Variants in C1QTNF12 observed in about 807,000 individuals in gnomAD.
The protein encoded by C1QTNF12 is C1q and TNF related 12.
A neutral mutation model predicts 34.3 loss-of-function variants in C1QTNF12; 39 were observed. The ratio of observed to expected loss-of-function variants is 1.14; its 90% CI spans 0.88 to 1.49. The LOEUF (loss-of-function observed/expected upper bound fraction) is 1.49. Ranked by LOEUF, C1QTNF12 falls within the 40% of genes most tolerant of loss-of-function variation. C1QTNF12 has a pLI of 0.00. For synonymous variants in C1QTNF12, 220 were observed against 196.9 expected (o/e 1.12, Z -0.98); for missense variants, 497 against 424.7 (o/e 1.17, Z -1.50).
At chr1:1,243,259 G>A in intron 5 of C1QTNF12, 107 bp from the exon 6 acceptor site, 1 of 1,056,484 alleles carries the variant, frequency 9.5e-7, no homozygotes, top group East Asian at 2.6e-5. Flanking sequence ...GTGGCTGCTG[G>A]GGCTGGGGAG....
rs12095691 is a variant in C1QTNF12 at position 1,242,506 on chromosome 1, C to T, written c.*42G>A. 1.7e-3 allele frequency: 2,481 copies of T among 1,471,042 alleles called. 34 individuals carry two copies. In the African/African-American group the frequency reaches 0.027, roughly 16 times the overall value. The allele number at this position is 1,471,042 out of a possible 1,614,324, so 91.1% of individuals were successfully genotyped here. On this transcript the variant is annotated 3_prime_UTR_variant, in exon 8 of 8. Coordinates refer to ENST00000330388, the MANE Select transcript of C1QTNF12 (RefSeq NM_001014980.3). Reference sequence around the variant, plus strand: ...CCACGGGCATCAGTAGGAGGGTCCCCGGGATCCGGCGGCAGCTCCTCGCCA... The same window carrying T: ...CCACGGGCATCAGTAGGAGGGTCCCTGGGATCCGGCGGCAGCTCCTCGCCA...
In C1QTNF12 at chr1:1,242,690, C is replaced by T. The variant is rs764495733; in HGVS notation, c.811-44G>A. 9.6e-6 allele frequency: 15 copies of T among 1,568,250 alleles called. No homozygotes were observed. In the Admixed American group the frequency reaches 2.7e-4, roughly 28 times the overall value. On this transcript the variant is annotated intron_variant, in intron 7 of 7. Transcript: ENST00000330388. Reference sequence around the variant, plus strand: ...CGTCACAACCGCAGCCACAGCCCAGCCACTCGGTGGCCAACGTCTGCCCAC... The same window carrying T: ...CGTCACAACCGCAGCCACAGCCCAGTCACTCGGTGGCCAACGTCTGCCCAC...
chr1:1,243,331 G>T, intron 5 of C1QTNF12, 113 bp downstream of exon 5: 1 of 1,112,216 alleles, frequency 9.0e-7, no homozygotes, highest in Non-Finnish European at 1.3e-6. Flanking sequence ...CCCCCATGGG[G>T]CAGGGGATAG....
In C1QTNF12 at chr1:1,242,645, G is replaced by A; in HGVS notation, c.812C>T (p.Ala271Val). The A allele has an allele frequency of 6.3e-7, 1 of 1,590,760 alleles. No homozygotes were observed. Among genetic ancestry groups the A allele is most frequent in the East Asian group, 2.3e-5 (1 of 43,702 alleles). ...LQVQGLLQLQ[A>V]GQYASVFVDN... ...CACAAACACAGAAGCGTACTGTCCA[G>A]CCTGTAAGAAGCACGGGGACGTCAC... Residue 271 changes from alanine to valine, a missense_variant and splice_region_variant, in exon 8 of 8, where the codon GCT becomes GTT. Ala to Val is a moderately conservative substitution (Grantham distance 64). Coordinates refer to ENST00000330388, the MANE Select transcript of C1QTNF12 (RefSeq NM_001014980.3).
rs1023490607 is a variant in C1QTNF12, at chr1:1,242,827, G to A, written c.810+8C>T. 1.4e-5 allele frequency: 23 copies of A among 1,611,924 alleles called. 1 individual carries two copies. Among genetic ancestry groups the A allele is most frequent in the South Asian group, 1.1e-4 (10 of 91,056 alleles). The stretch of plus-strand genomic sequence containing the variant: ...GAGCCCTCCCGCTCACACCCGGCCC[G>A]GACTCACCTGCAGCTGCAGCAGCCC... On this transcript the variant is annotated splice_region_variant and intron_variant, in intron 7 of 7. Coordinates refer to ENST00000330388, the MANE Select transcript of C1QTNF12 (RefSeq NM_001014980.3).
intron 4 of C1QTNF12, 46 bp downstream of exon 4, chr1:1,243,907 GT>G: frequency 6.4e-7 from 1 of 1,574,238 alleles, no homozygotes; most frequent in Non-Finnish European, 8.6e-7. Flanking sequence ...CGTCTTGCCT[GT>G]GGGGCCCCAC....
chr1:1,246,556 G>T lies in C1QTNF12; in HGVS notation c.135C>A (p.Thr45=). ...PGQRADPPNA[T]ASASSREGLP... ...GCCCCTCGCGGGAGGACGCGCTGGC[G>T]GTGGCGTTGGGGGGATCTGCGCGCT... Residue 45 remains threonine (T), a synonymous_variant, in exon 1 of 8, where the codon ACC becomes ACA. Coordinates refer to ENST00000330388, the MANE Select transcript of C1QTNF12 (RefSeq NM_001014980.3). This position sits in a 1 kb window ranked among gnomAD's most constrained non-coding sequence, Gnocchi z 4.5. 6 of 1,241,480 alleles carry T rather than the reference G, an allele frequency of 4.8e-6. No individual in the cohort carries two copies. Among genetic ancestry groups the T allele is most frequent in the Non-Finnish European group, 6.0e-6 (6 of 992,604 alleles). 76.9% of individuals were successfully genotyped at this position (1,241,480 alleles called of 1,614,324 possible).
chr1:1,242,513 C>T lies in C1QTNF12; in HGVS notation c.*35G>A, dbSNP rs12410680. Reference sequence around the variant, plus strand: ...CATCAGTAGGAGGGTCCCCGGGATCCGGCGGCAGCTCCTCGCCAGCCCCCC... The same window carrying T: ...CATCAGTAGGAGGGTCCCCGGGATCTGGCGGCAGCTCCTCGCCAGCCCCCC... On this transcript the variant is annotated 3_prime_UTR_variant, in exon 8 of 8. Coordinates refer to ENST00000330388, the MANE Select transcript of C1QTNF12 (RefSeq NM_001014980.3). 7,693 of 1,498,728 alleles carry T rather than the reference C, an allele frequency of 5.1e-3. 296 individuals are homozygous for T. In the Admixed American group the frequency reaches 0.09, roughly 18 times the overall value. 92.8% of individuals were successfully genotyped at this position (1,498,728 alleles called of 1,614,324 possible). A position where few individuals can be genotyped will look rare whatever the true frequency, so the allele number is the denominator to read the frequency against.
Position 1,242,879 on chromosome 1 carries a change from T to A in C1QTNF12, c.766A>T (p.Ser256Cys). The A allele has an allele frequency of 6.2e-7, 1 of 1,612,480 alleles. No homozygotes were observed. Among genetic ancestry groups the A allele is most frequent in the Non-Finnish European group, 8.5e-7 (1 of 1,179,808 alleles). ...TGCACCTGTAGCGTGAAGACCCTGC[T>A]GTTGCTCTCCAGGCCTGAGACGGCC... ...LEAVSGLESNSRVFTLQVQGL... is the reference protein window; with the variant it reads ...LEAVSGLESNCRVFTLQVQGL... Residue 256 changes from serine (S) to cysteine (C), a missense_variant, in exon 7 of 8, where the codon AGC (serine) becomes TGC (cysteine). Ser to Cys is a moderately radical substitution (Grantham distance 112). Coordinates refer to ENST00000330388, the MANE Select transcript of C1QTNF12 (RefSeq NM_001014980.3).
Position 1,246,658 on chromosome 1 carries a change from G to T in C1QTNF12, c.33C>A (p.Val11=). The T allele has an allele frequency of 1.6e-6, 2 of 1,230,184 alleles. No homozygotes were observed. Among genetic ancestry groups the T allele is most frequent in the Non-Finnish European group, 2.0e-6 (2 of 986,682 alleles). The allele number at this position is 1,230,184 out of a possible 1,614,324, so 76.2% of individuals were successfully genotyped here. A position where few individuals can be genotyped will look rare whatever the true frequency, so the allele number is the denominator to read the frequency against. Residue 11 remains valine, a synonymous_variant, in exon 1 of 8, where the codon GTC becomes GTA. Coordinates refer to ENST00000330388, the MANE Select transcript of C1QTNF12 (RefSeq NM_001014980.3). This position sits in a 1 kb window ranked among gnomAD's most constrained non-coding sequence, Gnocchi z 4.5. Reference sequence around the variant, plus strand: ...GGAGCACGAGCTGCGGCCCGAGGAGGACCACGACCGCGGCCCAGGCCCAGC... The same window carrying T: ...GGAGCACGAGCTGCGGCCCGAGGAGTACCACGACCGCGGCCCAGGCCCAGC... MRRWAWAAVV[V]LLGPQLVLLG...
At chr1:1,245,566 T>C (rs1245215200) in intron 1 of C1QTNF12, among the ~76,000 whole-genome samples, 1 of 151,308 alleles carries the variant, frequency 6.6e-6, no homozygotes, top group Non-Finnish European at 1.5e-5. Flanking sequence ...GGGTGCCCCC[T>C]CCCTTCCAGG....
chr1:1,244,836 C>T (rs1270325279), intron 1 of C1QTNF12: 1 of 89,542 alleles, frequency 1.1e-5, no homozygotes, highest in Non-Finnish European at 2.1e-5. Context: ...CACTCATCTC[C>T]CTCCTCCCCC....
rs1434616516 is a variant in C1QTNF12, at chr1:1,246,094, C to T, written c.177+420G>A. Among the ~76,000 whole-genome samples the T allele has an allele frequency of 6.6e-6, 1 of 152,180 alleles. No individual in the cohort carries two copies. Among genetic ancestry groups the T allele is most frequent in the Non-Finnish European group, 1.5e-5 (1 of 68,012 alleles). On this transcript the variant is annotated intron_variant, in intron 1 of 7. Coordinates refer to ENST00000330388, the MANE Select transcript of C1QTNF12 (RefSeq NM_001014980.3). The surrounding 1 kb of genome is among the most constrained non-coding windows in gnomAD (Gnocchi z 4.5). ...GACAGGCTCGCCATGGCGTCTCCAG[C>T]CGCAGGAGTCATGGGGCGCTGGACT...
At chr1:1,245,296 A>T in intron 1 of C1QTNF12, among the ~76,000 whole-genome samples, 1 of 40,844 alleles carries the variant, frequency 2.4e-5, no homozygotes, top group Non-Finnish European at 4.6e-5. Context: ...CCCACTCCTC[A>T]GGCATCCGCT....
chr1:1,244,299 A>G, intron 2 of C1QTNF12, 24 bp from the exon 3 acceptor site: 3 of 1,591,244 alleles, frequency 1.9e-6, no homozygotes, highest in Non-Finnish European at 2.6e-6. Context: ...GAAGCAGGTG[A>G]GGGGCCCAGT....
chr1:1,243,740 G>C (rs1052887148), intron 4 of C1QTNF12, among the ~76,000 whole-genome samples, 188 bp from the exon 5 acceptor site: 2 of 152,094 alleles, frequency 1.3e-5, no homozygotes, highest in African/African-American at 4.8e-5. Context: ...CCTGCCTCCC[G>C]GCTACCGGGG....
Position 1,244,260 on chromosome 1 carries a change from G to A in C1QTNF12, c.310C>T (p.Pro104Ser). The A allele has an allele frequency of 1.3e-6, 2 of 1,594,438 alleles. No homozygotes were observed. The highest frequency in any genetic ancestry group is 1.1e-5 in the South Asian group (1 of 89,266). The part of the protein sequence containing the change: ...RDKKPRDLFG[P>S]PGPPGAEVTA... Reference sequence around the variant, plus strand: ...ACTTCTGCACCTGGAGGTCCTGGGGGACCGAAGAGATCCCGCTGGGGGGAG... The same window carrying A: ...ACTTCTGCACCTGGAGGTCCTGGGGAACCGAAGAGATCCCGCTGGGGGGAG... Residue 104 changes from proline (P) to serine (S), a missense_variant, in exon 3 of 8, where the codon CCC (proline) becomes TCC (serine). Transcript: ENST00000330388.
rs745381757 is a variant in C1QTNF12 at position 1,244,115 on chromosome 1, G to A, written c.380-10C>T. The A allele has an allele frequency of 1.3e-6, 2 of 1,568,884 alleles. No homozygotes were observed. Among genetic ancestry groups the A allele is most frequent in the South Asian group, 2.4e-5 (2 of 84,222 alleles). Reference sequence around the variant, plus strand: ...CGGCGCTCCGTGGCCTCTGTGGGGAGGAGGGCACAGGCGGCCAGCAGGGTC... The same window carrying A: ...CGGCGCTCCGTGGCCTCTGTGGGGAAGAGGGCACAGGCGGCCAGCAGGGTC... On this transcript the variant is annotated splice_polypyrimidine_tract_variant and intron_variant, in intron 3 of 7. Transcript: ENST00000330388.
upstream of C1QTNF12, chr1:1,246,726 C>T (rs948884339): frequency 4.9e-6 from 6 of 1,212,560 alleles, no homozygotes; most frequent in African/African-American, 4.7e-5. The surrounding 1 kb of genome is among the most constrained non-coding windows in gnomAD (Gnocchi z 4.5). Flanking sequence ...CGGCGAGTCT[C>T]GGCGCCAGGG....
Sources: gnomAD v4.1 joint callset for allele counts (sites outside exome capture counted in the v4.1 genomes callset) on GRCh38, gnomAD v4.1.1 for gene constraint, Gnocchi (gnomAD v3.1) non-coding constraint, MANE v1.5 for transcripts, NCBI Gene and HGNC (gene_info 2026-07-23, HGNC 2026-07-21) for gene names.